The following PDE7B variants were observed in gnomAD, a reference collection of about 807,000 sequenced individuals.
The protein encoded by PDE7B is 3',5'-cyclic-AMP phosphodiesterase 7B.
In PDE7B, 29 loss-of-function variants were observed where a neutral mutation model predicts 56.2. That is an observed-to-expected ratio of 0.52 (90% CI 0.38 to 0.70). The LOEUF (loss-of-function observed/expected upper bound fraction) is 0.70. Ranked by LOEUF, PDE7B falls within the 30% of genes least tolerant of loss-of-function variation. The pLI, the probability that PDE7B is intolerant of heterozygous loss-of-function variation, is 0.00. For synonymous variants in PDE7B, 197 were observed against 196.9 expected, an observed-to-expected ratio of 1.00 and a Z score of 0.00; for missense variants, 490 against 565.0, an observed-to-expected ratio of 0.87 and a Z score of 1.35.
At chr6:136,143,141 G>T (rs1778355718) in intron 3 of PDE7B, among the ~76,000 whole-genome samples, 1 of 152,036 alleles carries the variant, frequency 6.6e-6, no homozygotes, top group African/African-American at 2.4e-5. Flanking sequence ...TTTAGGGCAG[G>T]CCTGGTGGTG....
intron 1 of PDE7B, among the ~76,000 whole-genome samples, chr6:135,946,144 A>G (rs549843725): frequency 3.9e-4 from 59 of 151,990 alleles, no homozygotes; most frequent in Non-Finnish European, 6.8e-4. Context: ...TTCATAAAAT[A>G]TGGACAATTG....
intron 1 of PDE7B, among the ~76,000 whole-genome samples, chr6:135,872,623 G>T (rs1775406818): frequency 6.6e-6 from 1 of 152,030 alleles, no homozygotes; most frequent in Non-Finnish European, 1.5e-5. Context: ...CCAACATTGT[G>T]GACCCTCCCT....
intron 2 of PDE7B, among the ~76,000 whole-genome samples, chr6:136,004,315 C>A (rs1252766654): frequency 2.6e-5 from 4 of 152,118 alleles, no homozygotes; most frequent in Admixed American, 2.6e-4. Context: ...CCCTCTCTTA[C>A]CACTCCTATT....
chr6:136,164,914 T>C (rs565216912), intron 8 of PDE7B, among the ~76,000 whole-genome samples: 14 of 152,310 alleles, frequency 9.2e-5, no homozygotes, highest in African/African-American at 3.4e-4. Flanking sequence ...TTAGGTTCCC[T>C]TAGACACATT....
At chr6:136,006,932 C>T (rs149647891) in intron 2 of PDE7B, among the ~76,000 whole-genome samples, 2,160 of 152,258 alleles carry the variant, frequency 0.014, 32 homozygotes, top group Non-Finnish European at 0.018. Flanking sequence ...ATGGCCAGGA[C>T]TTTCAATACT....
chr6:136,030,374 A>G (rs1238079056), intron 2 of PDE7B, among the ~76,000 whole-genome samples: 1 of 152,254 alleles, frequency 6.6e-6, no homozygotes, highest in Non-Finnish European at 1.5e-5. Flanking sequence ...CCTAGGGCGC[A>G]TGAATTCCAG....
At chr6:136,002,004 G>C (rs183094164) in intron 2 of PDE7B, among the ~76,000 whole-genome samples, 1 of 152,120 alleles carries the variant, frequency 6.6e-6, no homozygotes, top group Non-Finnish European at 1.5e-5. Flanking sequence ...CGGATCTCTC[G>C]GCAGAAACTC....
At chr6:136,002,712 T>A (rs577760282) in intron 2 of PDE7B, among the ~76,000 whole-genome samples, 1 of 152,244 alleles carries the variant, frequency 6.6e-6, no homozygotes, top group Admixed American at 6.5e-5. Flanking sequence ...AAGTCCCTAG[T>A]GACCTACAAA....
intron 3 of PDE7B, among the ~76,000 whole-genome samples, chr6:136,146,983 A>G (rs1778423609): frequency 6.6e-6 from 1 of 152,068 alleles, no homozygotes. Context: ...CTCCACAAAA[A>G]ATATAAATAT....
chr6:136,012,119 T>TCC (rs1775904907), intron 2 of PDE7B, among the ~76,000 whole-genome samples: 1 of 152,094 alleles, frequency 6.6e-6, no homozygotes, highest in African/African-American at 2.4e-5. Context: ...CCCTCCTGTC[T>TCC]CTCAGCACCC....
intron 2 of PDE7B, among the ~76,000 whole-genome samples, chr6:135,968,518 T>C (rs927739005): frequency 2.6e-5 from 4 of 152,206 alleles, no homozygotes; most frequent in African/African-American, 9.6e-5. Context: ...AGAAGATATT[T>C]ATGCAGCCAA....
At chr6:135,885,386 T>C (rs1775688533) in intron 1 of PDE7B, among the ~76,000 whole-genome samples, 1 of 151,900 alleles carries the variant, frequency 6.6e-6, no homozygotes, top group Non-Finnish European at 1.5e-5. Flanking sequence ...ATCTGCATAA[T>C]GGTGTGCACC....
chr6:136,192,388 A>G lies in PDE7B; in HGVS notation c.*548A>G, dbSNP rs892757805. 6.6e-6 allele frequency: 1 copy of G among 152,234 alleles called. No homozygotes were observed. The highest frequency in any genetic ancestry group is 2.4e-5 in the African/African-American group (1 of 41,458). 9.4% of individuals were successfully genotyped at this position (152,234 alleles called of 1,614,324 possible). On this transcript the variant is annotated 3_prime_UTR_variant, in exon 13 of 13. Transcript: ENST00000308191. Reference sequence around the variant, plus strand: ...AACTTTTATATTTTATGCACTAGACAATGGATCTGCAACTTTGGACTAAGG... The same window carrying G: ...AACTTTTATATTTTATGCACTAGACGATGGATCTGCAACTTTGGACTAAGG...
intron 2 of PDE7B, among the ~76,000 whole-genome samples, chr6:135,966,978 T>C (rs1320907043): frequency 2.0e-5 from 3 of 152,122 alleles, no homozygotes; most frequent in Non-Finnish European, 4.4e-5. Flanking sequence ...CATTATACAG[T>C]CAGCCCCCTC....
intron 1 of PDE7B, among the ~76,000 whole-genome samples, chr6:135,860,978 C>T (rs2128184561): frequency 6.6e-6 from 1 of 151,926 alleles, no homozygotes; most frequent in East Asian, 1.9e-4. Flanking sequence ...TGTTTGGCAC[C>T]TGAGGAAACC....
chr6:135,878,435 CTT>C (rs1230899673), intron 1 of PDE7B, among the ~76,000 whole-genome samples: 2 of 152,096 alleles, frequency 1.3e-5, no homozygotes, highest in South Asian at 2.1e-4. Context: ...TTCAAAATAA[CTT>C]TGACAACTTT....
rs574992326 is a variant in PDE7B, at chr6:136,047,549, A to G, written c.83-61182A>G. On this transcript the variant is annotated intron_variant, in intron 2 of 12. Transcript: ENST00000308191. Reference sequence around the variant, plus strand: ...TGGACTAAAACAAATTTTGTTTTGAAAAATTTTTGAAAATGTCTCAAATCC... The same window carrying G: ...TGGACTAAAACAAATTTTGTTTTGAGAAATTTTTGAAAATGTCTCAAATCC... 2.0e-5 allele frequency: 3 copies of G among 152,334 alleles called. No individual in the cohort carries two copies. The East Asian group carries it at 5.8e-4, about 29-fold the overall frequency. 9.4% of individuals were successfully genotyped at this position (152,334 alleles called of 1,614,324 possible).
At chr6:136,135,892 C>G (rs536171221) in intron 3 of PDE7B, among the ~76,000 whole-genome samples, 1 of 152,144 alleles carries the variant, frequency 6.6e-6, no homozygotes, top group South Asian at 2.1e-4. Flanking sequence ...CTTAGCACCT[C>G]GTCAAAGTCC....
chr6:135,893,115 C>G (rs1030903642), intron 1 of PDE7B, among the ~76,000 whole-genome samples: 1 of 151,902 alleles, frequency 6.6e-6, no homozygotes, highest in African/African-American at 2.4e-5. Flanking sequence ...ATGTGCACAA[C>G]GTGCAGGTTT....
Sources: allele counts gnomAD v4.1 joint callset (sites outside exome capture counted in the v4.1 genomes callset), GRCh38; gene constraint gnomAD v4.1.1; transcripts MANE v1.5; gene names NCBI Gene and HGNC (gene_info 2026-07-23, HGNC 2026-07-21).